RASSF4: variants seen among roughly 807,000 people sequenced by gnomAD.
RASSF4 encodes the protein ras association domain-containing protein 4.
In RASSF4, 38 loss-of-function variants were observed where a neutral mutation model predicts 41.1. The observed-to-expected ratio is 0.92, with a 90% CI of 0.71 to 1.21. RASSF4 has a LOEUF of 1.21. Among genes scored for constraint, RASSF4 ranks in the 50% most tolerant of loss-of-function variants. RASSF4 has a pLI of 0.00. For missense variants in RASSF4, 414 were observed against 419.4 expected (o/e 0.99, Z 0.11); for synonymous variants, 179 against 163.4 (o/e 1.10, Z -0.73).
At position 44,993,938 on chromosome 10, in the gene RASSF4, G is replaced by A. The variant is rs1433237556; in HGVS notation, c.*609G>A. On this transcript the variant is annotated 3_prime_UTR_variant, in exon 11 of 11. Coordinates refer to ENST00000340258, the MANE Select transcript of RASSF4 (RefSeq NM_032023.4). ...CCACAAGTATCTCACTTTCTCTGCA[G>A]AAATCAATCTTTACTTCATCAGAGA... 6.6e-6 allele frequency: 1 copy of A among 152,412 alleles called. No individual in the cohort carries two copies. Among genetic ancestry groups the A allele is most frequent in the Non-Finnish European group, 1.5e-5 (1 of 68,210 alleles). The allele number at this position is 152,412 out of a possible 1,614,324, so 9.4% of individuals were successfully genotyped here.
chr10:44,971,885 A>G, intron 3 of RASSF4, 37 bp downstream of exon 3: 1 of 1,492,384 alleles, frequency 6.7e-7, no homozygotes, highest in Non-Finnish European at 9.3e-7. Context: ...GTCACCATGT[A>G]CCCTGGGAGG....
Position 44,991,015 on chromosome 10 carries a change from G to C in RASSF4, c.753G>C (p.Lys251Asn), listed in dbSNP as rs1842089848. The change falls in exon 9 of 11, where the codon AAG becomes AAC. Residue 251 changes from lysine (K) to asparagine (N), a missense_variant. Transcript: ENST00000340258. ...ISRILHGPCE[K>N]IARIFLMEAD... ...GAATCCTGCATGGGCCATGTGAGAA[G>C]ATCGCCAGGATCTTCCTGATGGAAG... The C allele has an allele frequency of 1.2e-6, 2 of 1,613,808 alleles. No individual in the cohort carries two copies. Among genetic ancestry groups the C allele is most frequent in the African/African-American group, 2.7e-5 (2 of 74,952 alleles).
chr10:44,982,949 G>T, intron 4 of RASSF4: 3 of 665,814 alleles, frequency 4.5e-6, no homozygotes, highest in Non-Finnish European at 8.5e-6. Context: ...AGCCAGGGGG[G>T]CTCCCAACAC....
intron 3 of RASSF4, chr10:44,978,166 A>G (rs1841536280): frequency 9.9e-7 from 1 of 1,009,050 alleles, no homozygotes; most frequent in African/African-American, 1.6e-5. Flanking sequence ...CCTGAGAGCA[A>G]TTTGAAGTCT....
chr10:44,975,691 C>G (rs1215947861), intron 3 of RASSF4, among the ~76,000 whole-genome samples: 1 of 149,896 alleles, frequency 6.7e-6, no homozygotes, highest in African/African-American at 2.5e-5. Flanking sequence ...CTGGGCCTCT[C>G]TGCAGGAGCT....
rs747009217 is a variant in RASSF4, at chr10:44,984,064, G to A, written c.324G>A (p.Gly108=). 3.5e-5 allele frequency: 56 copies of A among 1,606,990 alleles called. No individual in the cohort carries two copies. The highest frequency in any genetic ancestry group is 4.6e-5 in the Non-Finnish European group (54 of 1,177,044). ...SPQNGNITAQ[G]PSIQPVHKAE... is the part of the protein sequence containing the mutation. ...AGAACGGGAACATCACAGCCCAGGG[G>A]CCAAGCATTCAGCCAGTGCACAAGG... The change falls in exon 5 of 11, where the codon GGG becomes GGA. Residue 108 remains glycine (G), a synonymous_variant. Coordinates refer to ENST00000340258, the MANE Select transcript of RASSF4 (RefSeq NM_032023.4).
At chr10:44,985,043 T>C in intron 6 of RASSF4, 73 bp downstream of exon 6, 1 of 1,517,572 alleles carries the variant, frequency 6.6e-7, no homozygotes, top group Non-Finnish European at 9.0e-7. Context: ...GCAAGCACCA[T>C]GACCTGTGTG....
At chr10:44,992,619 C>G (rs1401233108) in intron 10 of RASSF4, among the ~76,000 whole-genome samples, 2 of 152,116 alleles carry the variant, frequency 1.3e-5, no homozygotes, top group African/African-American at 4.8e-5. Context: ...TGGTCCAGGA[C>G]TTGTGGAGGG....
chr10:44,990,771 C>T (rs915296615), intron 8 of RASSF4, 177 bp from the exon 9 acceptor site: 15 of 539,310 alleles, frequency 2.8e-5, no homozygotes, highest in Non-Finnish European at 4.9e-5. Context: ...ATCTGGGGGC[C>T]CTGTTCTGCC....
rs1468809272 is a variant in RASSF4, at chr10:44,987,604, C to T, written c.532-1670C>T. Among the ~76,000 whole-genome samples, 106 of 143,786 alleles carry T rather than the reference C, an allele frequency of 7.4e-4. 1 individual carries two copies. The highest frequency in any genetic ancestry group is 1.1e-4 in the Non-Finnish European group (7 of 66,472). 94.3% of individuals were successfully genotyped at this position (143,786 alleles called of 152,430 possible). A position where few individuals can be genotyped will look rare whatever the true frequency, so the allele number is the denominator to read the frequency against. ...AAATGGAAGGTTGCTGTTCAGCAAC[C>T]TTCCATTTGCAAAAATGTGCACTTT... On this transcript the variant is annotated intron_variant, in intron 6 of 10. Transcript: ENST00000340258.
chr10:44,984,482 C>T, intron 5 of RASSF4: 1 of 488,464 alleles, frequency 2.0e-6, no homozygotes. Context: ...CTTTTTATTC[C>T]CCTTCCTTTA....
intron 1 of RASSF4, among the ~76,000 whole-genome samples, chr10:44,968,531 C>G (rs1295239857): frequency 1.3e-5 from 2 of 152,188 alleles, no homozygotes; most frequent in Non-Finnish European, 2.9e-5. Flanking sequence ...TTCTCCAGGC[C>G]AACTGTATTT....
chr10:44,975,604 T>G (rs2132778797), intron 3 of RASSF4, among the ~76,000 whole-genome samples: 1 of 117,648 alleles, frequency 8.5e-6, no homozygotes, highest in South Asian at 3.5e-4. Context: ...CCCACCCCAG[T>G]GGCAAGAAGG....
chr10:44,990,504 C>T (rs11239302), intron 8 of RASSF4: 11,544 of 154,764 alleles, frequency 0.075, 500 homozygotes, highest in Middle Eastern at 0.17. Flanking sequence ...GGAAGGTCAC[C>T]GCACGGGGAG....
rs1231227096 is a variant in RASSF4 at position 44,977,498 on chromosome 10, C to T, written c.139-5023C>T. 2.5e-6 allele frequency: 4 copies of T among 1,613,130 alleles called. No homozygotes were observed. In the Admixed American group the frequency reaches 6.7e-5, roughly 27 times the overall value. On this transcript the variant is annotated intron_variant, in intron 3 of 10. Transcript: ENST00000340258. ...GGCTTGGGCAGACTGCCCAAAAGTCCAGCTTCTTAGGTCAGAGCTCTGCTG... is the reference window on the plus strand; with the variant it reads ...GGCTTGGGCAGACTGCCCAAAAGTCTAGCTTCTTAGGTCAGAGCTCTGCTG...
intron 1 of RASSF4, among the ~76,000 whole-genome samples, chr10:44,960,070 A>G (rs1840648329): frequency 6.6e-6 from 1 of 152,196 alleles, no homozygotes; most frequent in African/African-American, 2.4e-5. Flanking sequence ...ACCTCTGTTA[A>G]GCAATTTAGG....
At chr10:44,968,744 C>G (rs1310508732) in intron 1 of RASSF4, among the ~76,000 whole-genome samples, 1 of 152,166 alleles carries the variant, frequency 6.6e-6, no homozygotes, top group Non-Finnish European at 1.5e-5. Context: ...TTGAGCCCCC[C>G]GCCCCCCGTG....
intron 1 of RASSF4, among the ~76,000 whole-genome samples, chr10:44,966,163 A>G (rs1054965334): frequency 6.6e-6 from 1 of 152,100 alleles, no homozygotes; most frequent in African/African-American, 2.4e-5. Flanking sequence ...TACAGATGGG[A>G]AAATTAAGGC....
intron 3 of RASSF4, among the ~76,000 whole-genome samples, chr10:44,972,943 C>T (rs1841242299): frequency 6.6e-6 from 1 of 152,204 alleles, no homozygotes; most frequent in South Asian, 2.1e-4. Flanking sequence ...AGTGGCAGAT[C>T]AGAGGGCCGG....
Sources: allele counts gnomAD v4.1 joint callset (sites outside exome capture counted in the v4.1 genomes callset), GRCh38; gene constraint gnomAD v4.1.1; transcripts MANE v1.5; gene names NCBI Gene and HGNC (gene_info 2026-07-23, HGNC 2026-07-21).